LRRC28: variants seen among roughly 807,000 people sequenced by gnomAD.
The protein encoded by LRRC28 is leucine rich repeat containing 28, also known as leucine-rich repeat-containing protein 28.
A neutral mutation model predicts 45.7 loss-of-function variants in LRRC28; 39 were observed. The ratio of observed to expected loss-of-function variants is 0.85; its 90% CI spans 0.66 to 1.12. The LOEUF (loss-of-function observed/expected upper bound fraction) is 1.12. Among genes scored for constraint, LRRC28 ranks in the 50% most tolerant of loss-of-function variants. LRRC28 has a pLI of 0.00. For synonymous variants in LRRC28, 206 were observed against 178.8 expected, an observed-to-expected ratio of 1.15 and a Z score of -1.22; for missense variants, 435 against 438.5, an observed-to-expected ratio of 0.99 and a Z score of 0.07.
chr15:99,273,465 C>A (rs981193402), intron 2 of LRRC28, among the ~76,000 whole-genome samples: 3 of 152,118 alleles, frequency 2.0e-5, no homozygotes, highest in African/African-American at 7.2e-5. Context: ...TCTTGATCTG[C>A]TGACCTCGTG....
chr15:99,366,893 T>A (rs1957355194), intron 9 of LRRC28, among the ~76,000 whole-genome samples: 3 of 148,090 alleles, frequency 2.0e-5, no homozygotes, highest in South Asian at 2.2e-4. Context: ...TAAAAAAAAA[T>A]GTTTTCTCCT....
rs144033073 is a variant in LRRC28, at chr15:99,326,984, T to C, written c.386-6939T>C. 3.1e-3 allele frequency among the ~76,000 whole-genome samples: 467 copies of C among 152,332 alleles called. 2 individuals are homozygous for C. Among genetic ancestry groups the C allele is most frequent in the African/African-American group, 0.011 (438 of 41,584 alleles). Reference sequence around the variant, plus strand: ...TTTCCTCCTTAAATATATAATAGAATTGAAATATTTGTTAGAATAGAAAAG... The same window carrying C: ...TTTCCTCCTTAAATATATAATAGAACTGAAATATTTGTTAGAATAGAAAAG... On this transcript the variant is annotated intron_variant, in intron 5 of 9. Coordinates refer to ENST00000301981, the MANE Select transcript of LRRC28 (RefSeq NM_144598.5).
rs188572805 is a variant in LRRC28 at position 99,283,574 on chromosome 15, C to G, written c.210-3683C>G. On this transcript the variant is annotated intron_variant, in intron 3 of 9. Transcript: ENST00000301981. ...GAGGTTGCAGTGAGCAGAGATCGAG[C>G]CACGGCACTCTAGCCTGGACGACAG... is the stretch of plus-strand genomic sequence containing the variant. Among the ~76,000 whole-genome samples the G allele has an allele frequency of 3.5e-3, 517 of 146,180 alleles. 13 individuals are homozygous for G. Among genetic ancestry groups the G allele is most frequent in the Admixed American group, 0.031 (452 of 14,478 alleles).
intron 5 of LRRC28, among the ~76,000 whole-genome samples, chr15:99,293,631 A>AAAAAAAAAAAAAAAAAC: frequency 7.0e-6 from 1 of 143,476 alleles, no homozygotes; most frequent in Non-Finnish European, 1.5e-5. Flanking sequence ...AAAAAAAAAA[A>AAAAAAAAAAAAAAAAAC]AACCTAAACA....
intron 9 of LRRC28, 45 bp from the exon 10 acceptor site, chr15:99,385,984 TA>T (rs1396689220): frequency 6.4e-7 from 1 of 1,556,110 alleles, no homozygotes; most frequent in Non-Finnish European, 8.9e-7. Context: ...TCAGAGACTT[TA>T]ATCTTGAACT....
intron 9 of LRRC28, among the ~76,000 whole-genome samples, chr15:99,383,436 G>A (rs979450595): frequency 1.3e-5 from 2 of 152,162 alleles, no homozygotes; most frequent in Non-Finnish European, 2.9e-5. Context: ...AGGTGGAGGG[G>A]GGAAGACCTG....
Position 99,270,726 on chromosome 15 carries a change from G to A in LRRC28, c.169-5850G>A, listed in dbSNP as rs182923176. On this transcript the variant is annotated intron_variant, in intron 2 of 9. Transcript: ENST00000301981. ...CCACTTTTTAGCTATTGTGAATAGT[G>A]CTGCTATGAACATGAATGGACATGT... is the stretch of plus-strand genomic sequence containing the variant. Among the ~76,000 whole-genome samples, 10 of 152,240 alleles carry A rather than the reference G, an allele frequency of 6.6e-5. 1 individual carries two copies. The highest frequency in any genetic ancestry group is 2.4e-4 in the African/African-American group (10 of 41,550).
intron 8 of LRRC28, among the ~76,000 whole-genome samples, chr15:99,362,118 A>G (rs1349864150): frequency 1.3e-5 from 2 of 152,230 alleles, no homozygotes; most frequent in Non-Finnish European, 2.9e-5. Flanking sequence ...AAATGCTTTA[A>G]GACAGCGCTA....
chr15:99,305,179 A>G (rs1276431931), intron 5 of LRRC28, among the ~76,000 whole-genome samples: 1 of 152,246 alleles, frequency 6.6e-6, no homozygotes, highest in Non-Finnish European at 1.5e-5. Flanking sequence ...AGATGAAGGC[A>G]TGCCAACAGC....
intron 5 of LRRC28, among the ~76,000 whole-genome samples, chr15:99,288,371 C>CTTTTTTTTTT (rs67593137): frequency 1.2e-5 from 1 of 82,894 alleles, no homozygotes; most frequent in African/African-American, 5.6e-5. Context: ...TGTACATTAA[C>CTTTTTTTTTT]TTTTTTTTTT....
intron 5 of LRRC28, among the ~76,000 whole-genome samples, chr15:99,317,000 CTT>C (rs35415959): frequency 3.5e-4 from 48 of 138,416 alleles, no homozygotes; most frequent in East Asian, 8.3e-4. Flanking sequence ...CCTACTGGGC[CTT>C]TTTTTTTTTT....
intron 9 of LRRC28, among the ~76,000 whole-genome samples, chr15:99,364,965 T>C (rs1370920774): frequency 6.6e-6 from 1 of 152,246 alleles, no homozygotes; most frequent in Non-Finnish European, 1.5e-5. Flanking sequence ...CAAACCCTTA[T>C]GCATTGTTAT....
At chr15:99,367,428 G>C (rs1957369683) in intron 9 of LRRC28, among the ~76,000 whole-genome samples, 1 of 152,150 alleles carries the variant, frequency 6.6e-6, no homozygotes, top group South Asian at 2.1e-4. Flanking sequence ...AAGGGCAGCA[G>C]GCACAAGAGA....
At chr15:99,362,907 T>G (rs1957241305) in intron 8 of LRRC28, among the ~76,000 whole-genome samples, 199 bp from the exon 9 acceptor site, 1 of 152,234 alleles carries the variant, frequency 6.6e-6, no homozygotes, top group Non-Finnish European at 1.5e-5. Context: ...GTGTTTTCTT[T>G]TAGTATCAAA....
chr15:99,390,375 G>C lies in LRRC28; in HGVS notation c.*4273G>C, dbSNP rs1311273805. ...GGATGGGCAGAAGGTGTAGCATTCG[G>C]AGATTATTTCTGTATGTAATTAAGA... On this transcript the variant is annotated 3_prime_UTR_variant, in exon 10 of 10. Coordinates refer to ENST00000301981, the MANE Select transcript of LRRC28 (RefSeq NM_144598.5). The C allele has an allele frequency of 6.6e-6, 1 of 152,020 alleles. No individual in the cohort carries two copies. The highest frequency in any genetic ancestry group is 2.4e-5 in the African/African-American group (1 of 41,284). The allele number at this position is 152,020 out of a possible 1,614,324, so 9.4% of individuals were successfully genotyped here. A position where few individuals can be genotyped will look rare whatever the true frequency, so the allele number is the denominator to read the frequency against.
At chr15:99,374,250 A>G (rs1373188002) in intron 9 of LRRC28, among the ~76,000 whole-genome samples, 4 of 152,184 alleles carry the variant, frequency 2.6e-5, no homozygotes, top group Non-Finnish European at 5.9e-5. Flanking sequence ...CTCTCCATTT[A>G]TTTAGGTCTT....
At chr15:99,383,346 C>A (rs1456485820) in intron 9 of LRRC28, among the ~76,000 whole-genome samples, 2 of 152,242 alleles carry the variant, frequency 1.3e-5, no homozygotes, top group Non-Finnish European at 2.9e-5. Context: ...TCAAGTCCCA[C>A]TGTCCCTAGG....
intron 6 of LRRC28, among the ~76,000 whole-genome samples, chr15:99,349,944 G>T (rs1462084144): frequency 6.6e-6 from 1 of 151,668 alleles, no homozygotes; most frequent in Non-Finnish European, 1.5e-5. Context: ...AGACCATCCT[G>T]GCTAACAAGG....
rs761771004 is a variant in LRRC28 at position 99,361,528 on chromosome 15, G to A, written c.871+17G>A. 1.9e-5 allele frequency: 29 copies of A among 1,557,046 alleles called. No individual in the cohort carries two copies. Among genetic ancestry groups the A allele is most frequent in the Non-Finnish European group, 3.5e-6 (4 of 1,153,622 alleles). The stretch of plus-strand genomic sequence containing the variant: ...TGCTGAAAGGTACGTGGGACTTCTG[G>A]TTTTCTTATTTTTCTCTCTCATTTA... On this transcript the variant is annotated intron_variant, in intron 8 of 9. Coordinates refer to ENST00000301981, the MANE Select transcript of LRRC28 (RefSeq NM_144598.5).
Sources: gnomAD v4.1 joint callset for allele counts (sites outside exome capture counted in the v4.1 genomes callset) on GRCh38, gnomAD v4.1.1 for gene constraint, MANE v1.5 for transcripts, NCBI Gene and HGNC (gene_info 2026-07-23, HGNC 2026-07-21) for gene names.